Variants in COL18A1 observed in about 807,000 individuals in gnomAD.
COL18A1 encodes collagen alpha-1(XVIII) chain.
COL18A1 carries 133 observed loss-of-function variants against 168.0 expected under a neutral mutation model. The observed-to-expected ratio is 0.79, with a 90% CI of 0.69 to 0.91. The LOEUF (loss-of-function observed/expected upper bound fraction) is 0.91, where lower values mean the gene tolerates loss of function less well. COL18A1 is among the 40% of genes least tolerant of loss of function. COL18A1 has a pLI of 0.00. For synonymous variants in COL18A1, 949 were observed against 809.0 expected (o/e 1.17, Z -2.94); for missense variants, 2,126 against 1,925.4 (o/e 1.10, Z -1.95).
intron 39 of COL18A1, among the ~76,000 whole-genome samples, 182 bp from the exon 40 acceptor site, chr21:45,509,880 GCT>G (rs1238359255): frequency 1.3e-5 from 2 of 152,206 alleles, no homozygotes; most frequent in African/African-American, 4.8e-5. Flanking sequence ...GCCCGGGGCT[GCT>G]CTGACCTGGC....
intron 33 of COL18A1, 176 bp downstream of exon 33, chr21:45,504,230 A>G: frequency 4.4e-6 from 4 of 911,858 alleles, no homozygotes; most frequent in Non-Finnish European, 6.9e-6. Flanking sequence ...TCCCCGGCTC[A>G]GTTTTTGGGG....
In COL18A1 at chr21:45,479,340, A is replaced by G. The variant is rs954839833; in HGVS notation, c.1249-562A>G. On this transcript the variant is annotated intron_variant, in intron 9 of 41. Coordinates refer to ENST00000651438, the MANE Select transcript of COL18A1 (RefSeq NM_001379500.1). ...ACACCACACGTGGATACACTTGCAT[A>G]CACACACTACACACACGTGTGTGCA... Among the ~76,000 whole-genome samples the G allele has an allele frequency of 2.1e-5, 3 of 141,450 alleles. No homozygotes were observed. In the South Asian group the frequency reaches 6.6e-4, roughly 31 times the overall value. 92.8% of individuals were successfully genotyped at this position (141,450 alleles called of 152,430 possible).
At position 45,473,566 on chromosome 21, in the gene COL18A1, C is replaced by T. The variant is rs2035525536; in HGVS notation, c.652-329C>T. 6.6e-6 allele frequency among the ~76,000 whole-genome samples: 1 copy of T among 152,198 alleles called. No homozygotes were observed. The highest frequency in any genetic ancestry group is 1.5e-5 in the Non-Finnish European group (1 of 68,026). On this transcript the variant is annotated intron_variant, in intron 3 of 41. Transcript: ENST00000651438. The surrounding 1 kb of genome is among the most constrained non-coding windows in gnomAD (Gnocchi z 4.0). ...AGCCCCTCGAATCTGCCCGCCCTCC[C>T]AGGCCTTGGATCGAGCCACACCTGC...
Position 45,511,279 on chromosome 21 carries a change from G to A in COL18A1, c.3809+53G>A, listed in dbSNP as rs374026564. ...TCTGAGAGCCCCAGCCAGGGAAGGC[G>A]GGCGGGCGGGCTCCTATCTGCAGTT... On this transcript the variant is annotated intron_variant, in intron 41 of 41. Transcript: ENST00000651438. The A allele has an allele frequency of 6.6e-5, 63 of 955,950 alleles. 1 individual carries two copies. Among genetic ancestry groups the A allele is most frequent in the Admixed American group, 2.0e-4 (10 of 50,334 alleles). The allele number at this position is 955,950 out of a possible 1,614,324, so 59.2% of individuals were successfully genotyped here. A position where few individuals can be genotyped will look rare whatever the true frequency, so the allele number is the denominator to read the frequency against.
chr21:45,507,269 C>T, intron 37 of COL18A1: 1 of 492,642 alleles, frequency 2.0e-6, no homozygotes, highest in Non-Finnish European at 3.6e-6. Flanking sequence ...GGAGGGCAAC[C>T]TGCTGTGGAC....
At chr21:45,496,914 C>T in intron 30 of COL18A1, 136 bp from the exon 31 acceptor site, 1 of 715,262 alleles carries the variant, frequency 1.4e-6, no homozygotes, top group South Asian at 1.5e-5. Context: ...CCTGTTCCCT[C>T]CCGTCTCTGA....
intron 9 of COL18A1, among the ~76,000 whole-genome samples, chr21:45,478,751 G>A (rs899673499): frequency 3.3e-5 from 5 of 152,148 alleles, no homozygotes; most frequent in Admixed American, 3.3e-4. Context: ...ACGCAGTTCA[G>A]TCTTTAAAAA....
chr21:45,508,445 G>A (rs996279345), intron 38 of COL18A1, among the ~76,000 whole-genome samples: 8 of 148,254 alleles, frequency 5.4e-5, no homozygotes, highest in Admixed American at 6.7e-5. Context: ...GTGGGTAAGT[G>A]GGTGAGTGGA....
intron 2 of COL18A1, among the ~76,000 whole-genome samples, chr21:45,465,259 G>T (rs1296033071): frequency 6.6e-6 from 1 of 152,214 alleles, no homozygotes; most frequent in Non-Finnish European, 1.5e-5. Flanking sequence ...CCCCACCTGT[G>T]CCTGGCGTGG....
chr21:45,439,084 C>T (rs1281805709), intron 2 of COL18A1, among the ~76,000 whole-genome samples: 2 of 152,374 alleles, frequency 1.3e-5, no homozygotes, highest in East Asian at 1.9e-4. Context: ...CCCCACCAGG[C>T]ATCCCACAAA....
chr21:45,415,233 T>C (rs2033407313), intron 2 of COL18A1, among the ~76,000 whole-genome samples: 1 of 152,134 alleles, frequency 6.6e-6, no homozygotes, highest in South Asian at 2.1e-4. Context: ...GTCTTGGATG[T>C]GTGCCGGCTT....
At position 45,478,345 on chromosome 21, in the gene COL18A1, G is replaced by T; in HGVS notation, c.1240G>T (p.Gly414Ter). ...CACCCAGGGCGACCCCGGTGAAGAC[G>T]GAAAGCCGGTGAGTCTGCTTTTCTT... ...DGEPGDPGED[G>*]KPGDTGPQGF... Residue 414 changes from glycine (G) to a stop codon, truncating the protein, a stop_gained, in exon 9 of 42, where the codon GGA becomes TGA. Transcript: ENST00000651438. LOFTEE classifies it high-confidence loss of function. 6.2e-7 allele frequency: 1 copy of T among 1,614,162 alleles called. No individual in the cohort carries two copies. Among genetic ancestry groups the T allele is most frequent in the Non-Finnish European group, 8.5e-7 (1 of 1,180,030 alleles).
intron 3 of COL18A1, 127 bp downstream of exon 3, chr21:45,468,913 C>CCGGGCCTCCAGCG: frequency 1.9e-6 from 2 of 1,042,446 alleles, no homozygotes; most frequent in Non-Finnish European, 2.7e-6. Flanking sequence ...TGTGGTCAGC[C>CCGGGCCTCCAGCG]CGGGCCTCCA....
Position 45,477,676 on chromosome 21 carries a change from G to A in COL18A1, c.1006-74G>A, listed in dbSNP as rs540043383. 138 of 1,397,264 alleles carry A rather than the reference G, an allele frequency of 9.9e-5. No homozygotes were observed. In the African/African-American group the frequency reaches 1.7e-3, roughly 17 times the overall value. The allele number at this position is 1,397,264 out of a possible 1,614,324, so 86.6% of individuals were successfully genotyped here. On this transcript the variant is annotated intron_variant, in intron 7 of 41. Coordinates refer to ENST00000651438, the MANE Select transcript of COL18A1 (RefSeq NM_001379500.1). ...AGCAGCCCAGCCTGGGACTCTGGAG[G>A]GCGCAGCGGGACACGTGGGCAGGGT...
At chr21:45,467,500 G>A (rs997121866) in intron 2 of COL18A1, 2 of 932,254 alleles carry the variant, frequency 2.1e-6, no homozygotes, top group African/African-American at 1.8e-5. Context: ...GGGAGATACA[G>A]CTTGTCCTTG....
chr21:45,451,993 C>G (rs1391504347), intron 2 of COL18A1, among the ~76,000 whole-genome samples: 1 of 152,254 alleles, frequency 6.6e-6, no homozygotes, highest in East Asian at 1.9e-4. Flanking sequence ...TCTGGCAGGC[C>G]TGAGGCCGCA....
chr21:45,408,735 C>A (rs1423225497), intron 2 of COL18A1, among the ~76,000 whole-genome samples: 1 of 151,998 alleles, frequency 6.6e-6, no homozygotes, highest in Non-Finnish European at 1.5e-5. Context: ...CCCCCGCTCA[C>A]TGTGTTGGGG....
In COL18A1 at chr21:45,443,065, G is replaced by A. The variant is rs534229475; in HGVS notation, c.107-25177G>A. 1.4e-5 allele frequency among the ~76,000 whole-genome samples: 2 copies of A among 138,598 alleles called. No individual in the cohort carries two copies. Among genetic ancestry groups the A allele is most frequent in the Non-Finnish European group, 3.0e-5 (2 of 65,992 alleles). The allele number at this position is 138,598 out of a possible 152,430, so 90.9% of individuals were successfully genotyped here. A position where few individuals can be genotyped will look rare whatever the true frequency, so the allele number is the denominator to read the frequency against. ...GGCGGTGCTGGTGTGGGCGGTGGTG[G>A]TGCTGGTGTGGGTGGTGGTGGTGCT... On this transcript the variant is annotated intron_variant, in intron 2 of 41. Coordinates refer to ENST00000651438, the MANE Select transcript of COL18A1 (RefSeq NM_001379500.1). The surrounding 1 kb of genome is among the most constrained non-coding windows in gnomAD (Gnocchi z 5.2).
chr21:45,437,162 A>G (rs1245200615), intron 2 of COL18A1, among the ~76,000 whole-genome samples: 1 of 113,004 alleles, frequency 8.8e-6, no homozygotes, highest in Non-Finnish European at 1.7e-5. Context: ...ACTCAGACAC[A>G]GGCACTCTCC....
Sources: allele counts gnomAD v4.1 joint callset (sites outside exome capture counted in the v4.1 genomes callset), GRCh38; gene constraint gnomAD v4.1.1; non-coding constraint Gnocchi (gnomAD v3.1); transcripts MANE v1.5; gene names NCBI Gene and HGNC (gene_info 2026-07-23, HGNC 2026-07-21).